SYCP2: variants seen among roughly 807,000 people sequenced by gnomAD.
SYCP2 encodes synaptonemal complex lateral element protein.
A neutral mutation model predicts 211.3 loss-of-function variants in SYCP2; 55 were observed. That is an observed-to-expected ratio of 0.26 (90% CI 0.21 to 0.33). The LOEUF (loss-of-function observed/expected upper bound fraction) is 0.33. Ranked by LOEUF, SYCP2 falls within the 10% of genes least tolerant of loss-of-function variation. SYCP2 has a pLI of 1.00. For missense variants in SYCP2, 1,731 were observed against 1,752.0 expected (o/e 0.99, Z 0.21); for synonymous variants, 570 against 555.2 (o/e 1.03, Z -0.37).
intron 15 of SYCP2, among the ~76,000 whole-genome samples, chr20:59,904,557 G>A (rs1387937856): frequency 6.6e-6 from 1 of 152,142 alleles, no homozygotes; most frequent in East Asian, 1.9e-4. Context: ...TCTTCTGGTG[G>A]AAGGATTATC....
intron 26 of SYCP2, 85 bp downstream of exon 26, chr20:59,885,843 A>G (rs2059777370): frequency 1.9e-6 from 2 of 1,039,286 alleles, no homozygotes; most frequent in Non-Finnish European, 1.4e-6. Flanking sequence ...ATCAAATTCC[A>G]TTTTACCACT....
Position 59,881,630 on chromosome 20 carries a change from T to C in SYCP2, c.2659-138A>G, listed in dbSNP as rs1379896734. ...AATTAACTTTACTACAATATTTGTA[T>C]TTGAAAAGAAAATACAATACACTAA... is the stretch of plus-strand genomic sequence containing the variant. On this transcript the variant is annotated intron_variant, in intron 28 of 44. Coordinates refer to ENST00000357552, the MANE Select transcript of SYCP2 (RefSeq NM_014258.4). The C allele has an allele frequency of 5.8e-6, 3 of 515,280 alleles. No homozygotes were observed. The African/African-American group carries it at 6.1e-5, about 10-fold the overall frequency. 31.9% of individuals were successfully genotyped at this position (515,280 alleles called of 1,614,324 possible). A position where few individuals can be genotyped will look rare whatever the true frequency, so the allele number is the denominator to read the frequency against.
rs2145570148 is a variant in SYCP2 at position 59,864,260 on chromosome 20, T to G, written c.*51A>C. The G allele has an allele frequency of 7.8e-7, 1 of 1,280,434 alleles. No individual in the cohort carries two copies. Among genetic ancestry groups the G allele is most frequent in the East Asian group, 2.5e-5 (1 of 40,552 alleles). The allele number at this position is 1,280,434 out of a possible 1,614,324, so 79.3% of individuals were successfully genotyped here. A position where few individuals can be genotyped will look rare whatever the true frequency, so the allele number is the denominator to read the frequency against. On this transcript the variant is annotated 3_prime_UTR_variant, in exon 45 of 45. Transcript: ENST00000357552. The stretch of plus-strand genomic sequence containing the variant: ...TGTAGGACTATTCTTATTTCCTCAG[T>G]TATATACAGAGAATAATAATTAGAT...
chr20:59,866,125 G>A lies in SYCP2; in HGVS notation c.4320+168C>T, dbSNP rs539261352. On this transcript the variant is annotated intron_variant, in intron 41 of 44. Transcript: ENST00000357552. ...AGATATTCATCATAAATTTAAGTTC[G>A]TACTTCAAAAGTGTTTCTATGAAGC... Among the ~76,000 whole-genome samples, 8 of 151,738 alleles carry A rather than the reference G, an allele frequency of 5.3e-5. No individual in the cohort carries two copies. The East Asian group carries it at 1.2e-3, about 22-fold the overall frequency.
intron 36 of SYCP2, among the ~76,000 whole-genome samples, chr20:59,869,483 C>A (rs1415356568): frequency 6.6e-6 from 1 of 151,644 alleles, no homozygotes; most frequent in Non-Finnish European, 1.5e-5. Context: ...TTTATGCTGG[C>A]AGGAAGTTCA....
chr20:59,902,956 T>C (rs2060143216), intron 15 of SYCP2, among the ~76,000 whole-genome samples: 1 of 152,180 alleles, frequency 6.6e-6, no homozygotes, highest in Admixed American at 6.6e-5. Context: ...CTGATTGTTT[T>C]ATTCCTCTGA....
intron 24 of SYCP2, among the ~76,000 whole-genome samples, chr20:59,889,054 G>C (rs557681176): frequency 6.6e-6 from 1 of 152,048 alleles, no homozygotes; most frequent in South Asian, 2.1e-4. Flanking sequence ...TCTTCCTAAC[G>C]ATCTATAAAT....
At chr20:59,884,084 C>A (rs1401701008) in intron 26 of SYCP2, among the ~76,000 whole-genome samples, 1 of 151,950 alleles carries the variant, frequency 6.6e-6, no homozygotes, top group African/African-American at 2.4e-5. Flanking sequence ...AATCCTTTAA[C>A]CTTAATACTT....
At chr20:59,881,382 GA>G in intron 29 of SYCP2, 54 bp downstream of exon 29, 2 of 894,958 alleles carry the variant, frequency 2.2e-6, no homozygotes, top group Non-Finnish European at 3.4e-6. Flanking sequence ...ACTGGGAGGA[GA>G]TATTTAAGAG....
intron 32 of SYCP2, 145 bp from the exon 33 acceptor site, chr20:59,877,700 A>AT (rs2059588272): frequency 1.4e-6 from 1 of 739,682 alleles, no homozygotes; most frequent in Admixed American, 3.3e-5. Flanking sequence ...AAATTAATGG[A>AT]TTTTATCTTC....
rs1429077797 is a variant in SYCP2 at position 59,895,475 on chromosome 20, A to T, written c.1627T>A (p.Ser543Thr). Residue 543 changes from serine (S) to threonine (T), a missense_variant, in exon 20 of 45, where the codon TCA becomes ACA. Ser to Thr is a moderately conservative substitution (Grantham distance 58). Transcript: ENST00000357552. ...VDNAASLKSR[S>T]SEGRHRRDNI... ...TCTCTTCTATGTCTTCCTTCTGATGATCTAGATTTCAGTGATGCAGCATTA... is the reference window on the plus strand; with the variant it reads ...TCTCTTCTATGTCTTCCTTCTGATGTTCTAGATTTCAGTGATGCAGCATTA... The T allele has an allele frequency of 5.0e-6, 8 of 1,612,508 alleles. No individual in the cohort carries two copies. The highest frequency in any genetic ancestry group is 6.8e-6 in the Non-Finnish European group (8 of 1,179,132).
Position 59,900,256 on chromosome 20 carries a change from G to A in SYCP2, c.1286C>T (p.Pro429Leu). Reference protein sequence around the residue: ...QILVPESQISPVGEELVSLKE... With the variant: ...QILVPESQISLVGEELVSLKE... ...TAAACTAACGAGCTCTTCTCCGACT[G>A]GTGAGATTTGACTTTCTGGCACTAG... Residue 429 changes from proline (P) to leucine (L), a missense_variant, in exon 18 of 45, where the codon CCA (proline) becomes CTA (leucine). Physicochemically the swap from Pro to Leu is moderately conservative, Grantham distance 98 (BLOSUM62 -3). Transcript: ENST00000357552. 1 of 1,608,164 alleles carries A rather than the reference G, an allele frequency of 6.2e-7. No homozygotes were observed. The highest frequency in any genetic ancestry group is 8.5e-7 in the Non-Finnish European group (1 of 1,178,372).
chr20:59,865,514 A>G (rs1288451108), intron 43 of SYCP2, 59 bp downstream of exon 43: 1 of 1,574,476 alleles, frequency 6.4e-7, no homozygotes, highest in Admixed American at 1.8e-5. Flanking sequence ...ACAAAGTTAC[A>G]TTAACAAATT....
intron 14 of SYCP2, among the ~76,000 whole-genome samples, chr20:59,909,581 C>A (rs149896552): frequency 6.6e-6 from 1 of 152,236 alleles, no homozygotes; most frequent in Non-Finnish European, 1.5e-5. Flanking sequence ...ACATACGTGA[C>A]ACATAGTTCT....
At chr20:59,912,952 C>T (rs541140412) in intron 12 of SYCP2, among the ~76,000 whole-genome samples, 1 of 152,328 alleles carries the variant, frequency 6.6e-6, no homozygotes, top group African/African-American at 2.4e-5. Context: ...TGAGGCTTCC[C>T]CAGCCACATG....
At chr20:59,922,195 TATAA>T (rs2060553799) in intron 3 of SYCP2, among the ~76,000 whole-genome samples, 191 bp downstream of exon 3, 1 of 151,646 alleles carries the variant, frequency 6.6e-6, no homozygotes, top group Admixed American at 6.6e-5. Flanking sequence ...TTTAATACTT[TATAA>T]ATATTCTTAA....
chr20:59,880,514 C>T (rs1344934130), intron 30 of SYCP2, 43 bp from the exon 31 acceptor site: 2 of 1,187,122 alleles, frequency 1.7e-6, no homozygotes, highest in African/African-American at 1.6e-5. Context: ...TACTACATCT[C>T]ATTATGTCAT....
Position 59,915,445 on chromosome 20 carries a change from A to T in SYCP2, c.599+20T>A, listed in dbSNP as rs1470151666. ...CTTATGGATTTTAAGAATAAAAACC[A>T]TATAAGTACAGATTATTACATGAGA... On this transcript the variant is annotated intron_variant, in intron 9 of 44. Transcript: ENST00000357552. The T allele has an allele frequency of 1.4e-6, 2 of 1,473,726 alleles. No individual in the cohort carries two copies. The highest frequency in any genetic ancestry group is 1.9e-6 in the Non-Finnish European group (2 of 1,061,784). 91.3% of individuals were successfully genotyped at this position (1,473,726 alleles called of 1,614,324 possible). A position where few individuals can be genotyped will look rare whatever the true frequency, so the allele number is the denominator to read the frequency against.
intron 16 of SYCP2, among the ~76,000 whole-genome samples, chr20:59,901,188 G>GA (rs1568953775): frequency 1.3e-5 from 2 of 152,080 alleles, no homozygotes; most frequent in Non-Finnish European, 2.9e-5. Flanking sequence ...CACATGCCTG[G>GA]AAAGTATTTT....
Sources: allele counts gnomAD v4.1 joint callset (sites outside exome capture counted in the v4.1 genomes callset), GRCh38; gene constraint gnomAD v4.1.1; transcripts MANE v1.5; gene names NCBI Gene and HGNC (gene_info 2026-07-23, HGNC 2026-07-21).